Variants in GLP2R observed in about 807,000 individuals in gnomAD.
GLP2R encodes glucagon like peptide 2 receptor.
In GLP2R, 59 loss-of-function variants were observed where a neutral mutation model predicts 68.2. That is an observed-to-expected ratio of 0.87 (90% confidence interval 0.70 to 1.07). GLP2R has a LOEUF of 1.07. Among genes scored for constraint, GLP2R ranks in the 50% least tolerant of loss-of-function variants. The pLI, the probability that GLP2R is intolerant of heterozygous loss-of-function variation, is 0.00. For synonymous variants in GLP2R, 270 were observed against 265.4 expected (o/e 1.02, Z -0.17); for missense variants, 548 against 677.4 (o/e 0.81, Z 2.12).
intron 10 of GLP2R, among the ~76,000 whole-genome samples, chr17:9,873,364 T>G (rs1002913614): frequency 3.3e-5 from 5 of 151,890 alleles, no homozygotes; most frequent in African/African-American, 1.2e-4. Flanking sequence ...CCCTAAATAG[T>G]TTTTCATCAT....
intron 12 of GLP2R, 24 bp downstream of exon 12, chr17:9,887,997 T>A: frequency 6.3e-7 from 1 of 1,578,722 alleles, no homozygotes; most frequent in East Asian, 2.2e-5. Context: ...GTTGCCATCC[T>A]GGTTTCATGT....
At chr17:9,843,011 C>A (rs2066802588) in intron 4 of GLP2R, among the ~76,000 whole-genome samples, 1 of 151,446 alleles carries the variant, frequency 6.6e-6, no homozygotes, top group African/African-American at 2.4e-5. Context: ...GTTGCCACAT[C>A]CCCCCGACCC....
At chr17:9,886,414 GA>G (rs142436902) in intron 11 of GLP2R, among the ~76,000 whole-genome samples, 8,483 of 152,210 alleles carry the variant, frequency 0.056, 799 homozygotes, top group African/African-American at 0.19. Flanking sequence ...CCGAGGAAGT[GA>G]AAAAGACACA....
chr17:9,858,493 G>A (rs201444920), intron 6 of GLP2R, among the ~76,000 whole-genome samples: 12 of 152,278 alleles, frequency 7.9e-5, no homozygotes, highest in East Asian at 3.9e-4. Context: ...TGCTAGCCTC[G>A]TAAAACAAAT....
chr17:9,875,511 A>G (rs373367481), intron 10 of GLP2R, among the ~76,000 whole-genome samples: 2 of 152,364 alleles, frequency 1.3e-5, no homozygotes, highest in South Asian at 2.1e-4. Flanking sequence ...GAAAGTTTAA[A>G]TTAAACACAT....
chr17:9,891,973 C>T lies in GLP2R; in HGVS notation c.*2268C>T, dbSNP rs989887302. 1.3e-5 allele frequency: 2 copies of T among 152,256 alleles called. No individual in the cohort carries two copies. The highest frequency in any genetic ancestry group is 2.4e-5 in the African/African-American group (1 of 41,542). 9.4% of individuals were successfully genotyped at this position (152,256 alleles called of 1,614,324 possible). ...GGGAGTAAGTGATCCAGGACCTTACCGCTAAGAGGAGAAACTTTTTTTCAA... is the reference window on the plus strand; with the variant it reads ...GGGAGTAAGTGATCCAGGACCTTACTGCTAAGAGGAGAAACTTTTTTTCAA... On this transcript the variant is annotated 3_prime_UTR_variant, in exon 13 of 13. Coordinates refer to ENST00000262441, the MANE Select transcript of GLP2R (RefSeq NM_004246.3).
chr17:9,877,611 C>T (rs564061291), intron 10 of GLP2R, among the ~76,000 whole-genome samples: 2 of 151,956 alleles, frequency 1.3e-5, no homozygotes, highest in African/African-American at 4.8e-5. Context: ...GAAACTATGC[C>T]GGGGGCGGTG....
intron 4 of GLP2R, among the ~76,000 whole-genome samples, chr17:9,843,934 AGG>A (rs2066812281): frequency 1.4e-5 from 2 of 144,812 alleles, no homozygotes; most frequent in Middle Eastern, 3.3e-3. Flanking sequence ...TGATCTTGTG[AGG>A]CATAGGGACA....
rs1555574074 is a variant in GLP2R at position 9,879,292 on chromosome 17, A to AAAATAAAATAAAAT, written c.1146-1084_1146-1083insATAAAATAAAATAA. Among the ~76,000 whole-genome samples the AAAATAAAATAAAAT allele has an allele frequency of 2.6e-3, 44 of 16,742 alleles. 1 individual carries two copies. The highest frequency in any genetic ancestry group is 9.5e-3 in the Admixed American group (16 of 1,682). 11.0% of individuals were successfully genotyped at this position (16,742 alleles called of 152,430 possible). ...AAAATAAAATAAAATAAAATAAAAT[A>AAAATAAAATAAAAT]AATAAAATAAAATAAAATAAAATAA... On this transcript the variant is annotated intron_variant, in intron 10 of 12. Coordinates refer to ENST00000262441, the MANE Select transcript of GLP2R (RefSeq NM_004246.3).
intron 7 of GLP2R, among the ~76,000 whole-genome samples, 154 bp from the exon 8 acceptor site, chr17:9,860,985 C>A (rs1257012827): frequency 6.6e-6 from 1 of 152,140 alleles, no homozygotes; most frequent in African/African-American, 2.4e-5. Context: ...GGGCCATGTG[C>A]CACCCTGGGT....
rs150259609 is a variant in GLP2R, at chr17:9,861,186, C to T, written c.973C>T (p.Leu325=). ...VVPWGFARAH[L]ENTGCWTTNG... is the part of the protein sequence containing the mutation. ...ACCCTGGGGTTTCGCCCGTGCACACCTGGAGAACACAGGGTAGGTAATTCA... is the reference window on the plus strand; with the variant it reads ...ACCCTGGGGTTTCGCCCGTGCACACTTGGAGAACACAGGGTAGGTAATTCA... The change falls in exon 8 of 13, where the codon CTG becomes TTG. Residue 325 remains leucine (L), a synonymous_variant. Transcript: ENST00000262441. The T allele has an allele frequency of 2.6e-5, 42 of 1,611,182 alleles. No individual in the cohort carries two copies. The African/African-American group carries it at 5.2e-4, about 20-fold the overall frequency.
intron 9 of GLP2R, among the ~76,000 whole-genome samples, chr17:9,864,793 G>A (rs11657503): frequency 0.042 from 6,359 of 152,206 alleles, 174 homozygotes; most frequent in Non-Finnish European, 0.063. Context: ...AGACTGCTGG[G>A]ATTTCAGGCA....
intron 4 of GLP2R, among the ~76,000 whole-genome samples, chr17:9,846,286 AAGGGGTAGAT>A (rs1384425966): frequency 6.6e-6 from 1 of 152,216 alleles, no homozygotes; most frequent in African/African-American, 2.4e-5. Flanking sequence ...GGGATAGACC[AAGGGGTAGAT>A]ATGGGGCGAT....
chr17:9,852,999 A>T (rs2066905580), intron 4 of GLP2R: 1 of 473,352 alleles, frequency 2.1e-6, no homozygotes, highest in African/African-American at 2.0e-5. Flanking sequence ...TCTGAACCAC[A>T]CTCTTCAACT....
chr17:9,855,568 G>C (rs2066927343), intron 5 of GLP2R, among the ~76,000 whole-genome samples: 1 of 152,188 alleles, frequency 6.6e-6, no homozygotes, highest in South Asian at 2.1e-4. Context: ...TTTCAATTCA[G>C]GGCCCTCAGA....
chr17:9,867,815 A>C (rs1221451470), intron 9 of GLP2R, among the ~76,000 whole-genome samples: 1 of 152,220 alleles, frequency 6.6e-6, no homozygotes, highest in Non-Finnish European at 1.5e-5. Context: ...CTATTGTTGA[A>C]TCTTCCGTGA....
chr17:9,833,359 AGCCTTT>A (rs1567717051), intron 1 of GLP2R, among the ~76,000 whole-genome samples: 1 of 109,998 alleles, frequency 9.1e-6, no homozygotes, highest in East Asian at 1.1e-3. Flanking sequence ...GTCTACTCAG[AGCCTTT>A]GAGCCTTTGA....
At chr17:9,879,369 C>T (rs1421564532) in intron 10 of GLP2R, among the ~76,000 whole-genome samples, 1 of 150,854 alleles carries the variant, frequency 6.6e-6, no homozygotes, top group African/African-American at 2.4e-5. Context: ...CAGTTGTGCA[C>T]ACCTATAGTC....
intron 10 of GLP2R, among the ~76,000 whole-genome samples, chr17:9,875,427 C>T (rs893464173): frequency 1.3e-5 from 2 of 152,198 alleles, no homozygotes; most frequent in African/African-American, 4.8e-5. Flanking sequence ...TACAGGCTGC[C>T]TCCAATTCTT....
Sources: allele counts gnomAD v4.1 joint callset (sites outside exome capture counted in the v4.1 genomes callset), GRCh38; gene constraint gnomAD v4.1.1; transcripts MANE v1.5; gene names NCBI Gene and HGNC (gene_info 2026-07-23, HGNC 2026-07-21).